ERBB4: variants seen among roughly 807,000 people sequenced by gnomAD.
The protein encoded by ERBB4 is receptor tyrosine-protein kinase erbB-4.
ERBB4 carries 42 observed loss-of-function variants against 158.0 expected under a neutral mutation model. The ratio of observed to expected loss-of-function variants is 0.27; its 90% confidence interval spans 0.21 to 0.34. The LOEUF (loss-of-function observed/expected upper bound fraction) is 0.34, where lower values mean the gene tolerates loss of function less well. Among genes scored for constraint, ERBB4 ranks in the 10% least tolerant of loss-of-function variants. The pLI, the probability that ERBB4 is intolerant of heterozygous loss-of-function variation, is 1.00. For synonymous variants in ERBB4, 583 were observed against 558.7 expected, an observed-to-expected ratio of 1.04 and a Z score of -0.61; for missense variants, 1,333 against 1,624.1, an observed-to-expected ratio of 0.82 and a Z score of 3.08.
chr2:212,451,268 C>A (rs1250458859), intron 1 of ERBB4, among the ~76,000 whole-genome samples: 3 of 152,084 alleles, frequency 2.0e-5, no homozygotes, highest in Non-Finnish European at 2.9e-5. Flanking sequence ...AAGAAAAGTT[C>A]ATATTTGCAC....
intron 4 of ERBB4, among the ~76,000 whole-genome samples, chr2:211,767,075 T>C (rs1157264499): frequency 6.6e-6 from 1 of 152,224 alleles, no homozygotes; most frequent in Non-Finnish European, 1.5e-5. Context: ...CAGAAAATTC[T>C]GTAACCAGCA....
rs553828761 is a variant in ERBB4 at position 212,230,012 on chromosome 2, C to T, written c.83-105109G>A. On this transcript the variant is annotated intron_variant, in intron 1 of 27. Transcript: ENST00000342788. ...GAATATAGGCTACAACCGCCAGGTGCGGTGGTTCACGCCTGTAATCCAAGC... is the reference window on the plus strand; with the variant it reads ...GAATATAGGCTACAACCGCCAGGTGTGGTGGTTCACGCCTGTAATCCAAGC... 1.1e-4 allele frequency among the ~76,000 whole-genome samples: 16 copies of T among 152,244 alleles called. No homozygotes were observed. The South Asian group carries it at 2.9e-3, about 28-fold the overall frequency.
intron 1 of ERBB4, among the ~76,000 whole-genome samples, chr2:212,374,061 T>C (rs1052829181): frequency 7.5e-6 from 1 of 132,574 alleles, no homozygotes; most frequent in African/African-American, 2.7e-5. Flanking sequence ...TATATATCCA[T>C]ATATATCCAT....
intron 2 of ERBB4, among the ~76,000 whole-genome samples, chr2:212,041,130 A>G (rs2077131065): frequency 6.6e-6 from 1 of 152,096 alleles, no homozygotes; most frequent in Non-Finnish European, 1.5e-5. Flanking sequence ...ATCAATAACA[A>G]AAAACAAAAA....
chr2:212,113,290 G>T (rs1439709191), intron 2 of ERBB4, among the ~76,000 whole-genome samples: 1 of 152,026 alleles, frequency 6.6e-6, no homozygotes, highest in Non-Finnish European at 1.5e-5. Context: ...GAGTAACTGG[G>T]TATGGCCGGG....
chr2:211,914,385 T>G (rs541776109), intron 3 of ERBB4, among the ~76,000 whole-genome samples: 1 of 152,232 alleles, frequency 6.6e-6, no homozygotes, highest in East Asian at 1.9e-4. Flanking sequence ...TAAGTTTCAA[T>G]CTATTGATTC....
intron 1 of ERBB4, among the ~76,000 whole-genome samples, chr2:212,504,851 A>C (rs1165386087): frequency 6.6e-6 from 1 of 152,198 alleles, no homozygotes; most frequent in Non-Finnish European, 1.5e-5. Flanking sequence ...ATAGGGAATA[A>C]AATATGGATA....
intron 1 of ERBB4, among the ~76,000 whole-genome samples, chr2:212,296,078 G>C (rs182717755): frequency 4.5e-4 from 69 of 152,054 alleles, no homozygotes; most frequent in Admixed American, 1.0e-3. Flanking sequence ...ATAATCACTT[G>C]ACAACTCAAT....
intron 2 of ERBB4, among the ~76,000 whole-genome samples, chr2:211,991,204 A>G (rs2082067375): frequency 1.3e-5 from 2 of 152,034 alleles, no homozygotes; most frequent in South Asian, 4.1e-4. Context: ...TCCAGAACTG[A>G]AGACACAAGA....
At chr2:211,412,962 A>AAAAGAAAG (rs1018727642) in intron 25 of ERBB4, among the ~76,000 whole-genome samples, 2 of 150,962 alleles carry the variant, frequency 1.3e-5, no homozygotes, top group South Asian at 4.2e-4. Context: ...AAAAAAAAAA[A>AAAAGAAAG]AAAGAAAGAA....
chr2:212,399,792 T>C (rs2091148893), intron 1 of ERBB4, among the ~76,000 whole-genome samples: 1 of 150,758 alleles, frequency 6.6e-6, no homozygotes. Flanking sequence ...GGCAGGAGAA[T>C]TACTTCAATC....
chr2:211,683,481 T>C (rs2072439742), intron 12 of ERBB4, among the ~76,000 whole-genome samples: 1 of 152,200 alleles, frequency 6.6e-6, no homozygotes, highest in Admixed American at 6.5e-5. Context: ...AGAATACATA[T>C]GCAGAGATTC....
chr2:212,241,493 T>C (rs1433119245), intron 1 of ERBB4, among the ~76,000 whole-genome samples: 3 of 152,184 alleles, frequency 2.0e-5, no homozygotes, highest in Non-Finnish European at 4.4e-5. Flanking sequence ...CCACATTGTA[T>C]AATTTCATCT....
At chr2:211,944,321 T>C (rs915116844) in intron 3 of ERBB4, among the ~76,000 whole-genome samples, 1 of 150,532 alleles carries the variant, frequency 6.6e-6, no homozygotes, top group Non-Finnish European at 1.5e-5. Flanking sequence ...TTATTTACCC[T>C]GTCGAAAGTA....
intron 20 of ERBB4, among the ~76,000 whole-genome samples, chr2:211,560,718 T>C (rs1201984612): frequency 6.6e-6 from 1 of 152,120 alleles, no homozygotes; most frequent in Non-Finnish European, 1.5e-5. Context: ...CCATAAAGAA[T>C]CCTCACAGTT....
Position 211,538,927 on chromosome 2 carries a change from C to G in ERBB4, c.2487+22976G>C, listed in dbSNP as rs144313398. On this transcript the variant is annotated intron_variant, in intron 20 of 27. Coordinates refer to ENST00000342788, the MANE Select transcript of ERBB4 (RefSeq NM_005235.3). ...ACCACTGTCTCTTTAATATGCATTACTGTGTAACCAGTTCTCCCCATCTTG... is the reference window on the plus strand; with the variant it reads ...ACCACTGTCTCTTTAATATGCATTAGTGTGTAACCAGTTCTCCCCATCTTG... Among the ~76,000 whole-genome samples the G allele has an allele frequency of 3.3e-5, 5 of 151,938 alleles. No individual in the cohort carries two copies. The East Asian group carries it at 9.7e-4, about 29-fold the overall frequency.
chr2:212,188,438 AG>A (rs2082095872), intron 1 of ERBB4, among the ~76,000 whole-genome samples: 3 of 151,478 alleles, frequency 2.0e-5, no homozygotes, highest in Admixed American at 2.0e-4. Flanking sequence ...CCTCACCCCT[AG>A]GTTTCTCGCT....
At chr2:211,878,077 C>A (rs1003686579) in intron 3 of ERBB4, among the ~76,000 whole-genome samples, 1 of 152,168 alleles carries the variant, frequency 6.6e-6, no homozygotes, top group Admixed American at 6.5e-5. Flanking sequence ...CACTGCCCTC[C>A]GGCCTGAGGA....
intron 3 of ERBB4, among the ~76,000 whole-genome samples, chr2:211,810,366 G>A (rs1168218865): frequency 6.6e-6 from 1 of 152,134 alleles, no homozygotes; most frequent in African/African-American, 2.4e-5. Context: ...TTATGAATCT[G>A]GGTAATCCTG....
Sources: gnomAD v4.1 joint callset for allele counts (sites outside exome capture counted in the v4.1 genomes callset) on GRCh38, gnomAD v4.1.1 for gene constraint, MANE v1.5 for transcripts, NCBI Gene and HGNC (gene_info 2026-07-23, HGNC 2026-07-21) for gene names.